Variants in MBTPS1 observed in about 807,000 individuals in gnomAD.
MBTPS1 encodes membrane bound transcription factor peptidase, site 1, also known as membrane-bound transcription factor site-1 protease.
A neutral mutation model predicts 127.8 loss-of-function variants in MBTPS1; 94 were observed. The observed-to-expected ratio is 0.74, with a 90% confidence interval of 0.62 to 0.87. The LOEUF (loss-of-function observed/expected upper bound fraction) is 0.87, where lower values mean the gene tolerates loss of function less well. Ranked by LOEUF, MBTPS1 falls within the 40% of genes least tolerant of loss-of-function variation. The probability of loss-of-function intolerance (pLI) is 0.00; values close to 1 mark genes in which losing one functional copy is unlikely to be tolerated. For missense variants in MBTPS1, 1,636 were observed against 1,353.2 expected, an observed-to-expected ratio of 1.21 and a Z score of -3.28; for synonymous variants, 632 against 509.4, an observed-to-expected ratio of 1.24 and a Z score of -3.24.
chr16:84,088,490 A>C (rs2086060671), intron 8 of MBTPS1, among the ~76,000 whole-genome samples: 1 of 152,234 alleles, frequency 6.6e-6, no homozygotes, highest in South Asian at 2.1e-4. Context: ...AGTCACTGAC[A>C]GAAACTCCCA....
chr16:84,112,464 C>A (rs1470620336), intron 1 of MBTPS1, among the ~76,000 whole-genome samples: 1 of 151,654 alleles, frequency 6.6e-6, no homozygotes, highest in Non-Finnish European at 1.5e-5. Flanking sequence ...TCGAGACCAT[C>A]CTGGCTAACA....
intron 18 of MBTPS1, among the ~76,000 whole-genome samples, chr16:84,064,265 T>C (rs2085651001): frequency 6.6e-6 from 1 of 151,880 alleles, no homozygotes; most frequent in Admixed American, 6.6e-5. Context: ...CTGCTCTCTG[T>C]GCAGGAATCC....
chr16:84,086,264 C>T (rs750245849), intron 9 of MBTPS1: 2 of 152,128 alleles, frequency 1.3e-5, no homozygotes, highest in Non-Finnish European at 2.9e-5. Context: ...TTGGTGAAAG[C>T]GTTTACACGG....
chr16:84,112,251 T>C (rs2086407809), intron 1 of MBTPS1, among the ~76,000 whole-genome samples: 1 of 152,100 alleles, frequency 6.6e-6, no homozygotes, highest in African/African-American at 2.4e-5. Context: ...ACCAAAATGG[T>C]TACAGTGGTT....
rs182163772 is a variant in MBTPS1 at position 84,076,613 on chromosome 16, T to C, written c.1449-1872A>G. Among the ~76,000 whole-genome samples, 15 of 152,106 alleles carry C rather than the reference T, an allele frequency of 9.9e-5. No individual in the cohort carries two copies. The East Asian group carries it at 1.2e-3, about 12-fold the overall frequency. On this transcript the variant is annotated intron_variant, in intron 11 of 22. Coordinates refer to ENST00000343411, the MANE Select transcript of MBTPS1 (RefSeq NM_003791.4). Reference sequence around the variant, plus strand: ...GGTAGCAGCATATAAAATTAACATATAGAAATAAAATCAACCAGTTAGAGA... The same window carrying C: ...GGTAGCAGCATATAAAATTAACATACAGAAATAAAATCAACCAGTTAGAGA...
intron 21 of MBTPS1, chr16:84,058,037 GGT>G (rs1311014249): frequency 1.3e-5 from 2 of 152,070 alleles, no homozygotes; most frequent in African/African-American, 4.8e-5. Context: ...GCTAATAGAA[GGT>G]TATAAATAAA....
At chr16:84,060,932 C>G (rs2085601836) in intron 19 of MBTPS1, 119 bp from the exon 20 acceptor site, 1 of 917,396 alleles carries the variant, frequency 1.1e-6, no homozygotes, top group African/African-American at 1.7e-5. Flanking sequence ...CTCCTGGGCT[C>G]AAGTGATCCT....
chr16:84,088,611 A>G (rs565680295), intron 8 of MBTPS1, among the ~76,000 whole-genome samples: 10 of 152,298 alleles, frequency 6.6e-5, no homozygotes, highest in African/African-American at 2.2e-4. Flanking sequence ...TCAAGAAATC[A>G]TTGCTGGTAT....
intron 10 of MBTPS1, 166 bp from the exon 11 acceptor site, chr16:84,082,074 TC>T: frequency 2.3e-6 from 1 of 435,426 alleles, no homozygotes; most frequent in Non-Finnish European, 3.9e-6. Flanking sequence ...TGCACACTCA[TC>T]TCTGTACCCA....
intron 6 of MBTPS1, among the ~76,000 whole-genome samples, chr16:84,092,468 G>A (rs1055482442): frequency 7.9e-5 from 12 of 152,056 alleles, no homozygotes; most frequent in African/African-American, 2.7e-4. Context: ...AAAAGACCAG[G>A]TACTTATATT....
At position 84,085,073 on chromosome 16, in the gene MBTPS1, C is replaced by T. The variant is rs749480313; in HGVS notation, c.1196G>A (p.Arg399Gln). 2.5e-6 allele frequency: 4 copies of T among 1,614,028 alleles called. No individual in the cohort carries two copies. Among genetic ancestry groups the T allele is most frequent in the Non-Finnish European group, 3.4e-6 (4 of 1,180,030 alleles). Residue 399 changes from arginine to glutamine, a missense_variant, in exon 10 of 23, where the codon CGG becomes CAG. Coordinates refer to ENST00000343411, the MANE Select transcript of MBTPS1 (RefSeq NM_003791.4). Reference protein sequence around the residue: ...PDIVTYGAGVRGSGVKGGCRA... With the variant: ...PDIVTYGAGVQGSGVKGGCRA... ...GCACCCCCCTTTCACGCCAGAACCC[C>T]GCACGCCAGCACCATAGGTGACAAT...
At chr16:84,100,565 C>G (rs985351142) in intron 2 of MBTPS1, among the ~76,000 whole-genome samples, 3 of 149,320 alleles carry the variant, frequency 2.0e-5, no homozygotes, top group East Asian at 3.9e-4. Context: ...AAAGAAAAAA[C>G]AAAAATAAAA....
chr16:84,063,323 CAT>C lies in MBTPS1; in HGVS notation c.2552_2553del (p.Asp851GlyfsTer27). 6.2e-7 allele frequency: 1 copy of C among 1,611,686 alleles called. No individual in the cohort carries two copies. Among genetic ancestry groups the C allele is most frequent in the Non-Finnish European group, 8.5e-7 (1 of 1,178,046 alleles). ...TTCCTACCCTTCTGTCGGTGACTGT[CAT>C]CCAAGCAATTGGAGTCCCCATACAG... Reference protein sequence around the residue: ...IVLYGDSNCLDDSHRQKDCFW... With the variant: ...IVLYGDSNCLXDSHRQKDCFW... On this transcript the variant is annotated frameshift_variant, in exon 19 of 23. Transcript: ENST00000343411. LOFTEE classifies it high-confidence loss of function.
rs772489629 is a variant in MBTPS1 at position 84,095,724 on chromosome 16, G to C, written c.503C>G (p.Ser168Cys). 1 of 1,614,226 alleles carries C rather than the reference G, an allele frequency of 6.2e-7. No individual in the cohort carries two copies. The highest frequency in any genetic ancestry group is 8.5e-7 in the Non-Finnish European group (1 of 1,180,046). ...SSRPLRRASL[S>C]LGSGFWHATG... Reference sequence around the variant, plus strand: ...AGCATGCCAGAAGCCAGAGCCCAGGGAGAGGCTGGCTCTTCGCAGGGGACG... The same window carrying C: ...AGCATGCCAGAAGCCAGAGCCCAGGCAGAGGCTGGCTCTTCGCAGGGGACG... The change falls in exon 4 of 23, where the codon TCC becomes TGC. Residue 168 changes from serine to cysteine, a missense_variant. Transcript: ENST00000343411.
chr16:84,070,188 T>C (rs926999932), intron 13 of MBTPS1, 150 bp from the exon 14 acceptor site: 2 of 700,000 alleles, frequency 2.9e-6, no homozygotes, highest in Non-Finnish European at 4.6e-6. Flanking sequence ...GATTCATGTA[T>C]CATAACTAAG....
At chr16:84,109,713 T>G (rs533526820) in intron 1 of MBTPS1, 87 of 152,282 alleles carry the variant, frequency 5.7e-4, no homozygotes, top group African/African-American at 2.1e-3. Context: ...TGCCCCAGAT[T>G]GAAGGAGACT....
At chr16:84,092,790 T>A (rs1019134701) in intron 6 of MBTPS1, among the ~76,000 whole-genome samples, 6 of 152,044 alleles carry the variant, frequency 3.9e-5, no homozygotes, top group Non-Finnish European at 8.8e-5. Context: ...CAGAGGTAAA[T>A]AAAACAGCTC....
intron 1 of MBTPS1, among the ~76,000 whole-genome samples, chr16:84,108,729 G>A (rs1427978006): frequency 6.6e-6 from 1 of 152,222 alleles, no homozygotes; most frequent in African/African-American, 2.4e-5. Context: ...TGAAGGGAGA[G>A]GCACCAGGTG....
intron 16 of MBTPS1, among the ~76,000 whole-genome samples, chr16:84,066,904 GAGA>G (rs1294608826): frequency 6.6e-6 from 1 of 152,180 alleles, no homozygotes; most frequent in Non-Finnish European, 1.5e-5. Flanking sequence ...TTCAGTGAAG[GAGA>G]AGGAGATGAG....
Sources: gnomAD v4.1 joint callset for allele counts (sites outside exome capture counted in the v4.1 genomes callset) on GRCh38, gnomAD v4.1.1 for gene constraint, MANE v1.5 for transcripts, NCBI Gene and HGNC (gene_info 2026-07-23, HGNC 2026-07-21) for gene names.